TPTE2: variants seen among roughly 807,000 people sequenced by gnomAD.
TPTE2 encodes transmembrane phosphoinositide 3-phosphatase and tensin homolog 2.
Under a neutral mutation model 78.6 loss-of-function variants are expected in TPTE2, and 53 were observed. The ratio of observed to expected loss-of-function variants is 0.67; its 90% CI spans 0.54 to 0.85. The LOEUF (loss-of-function observed/expected upper bound fraction) is 0.85. Ranked by LOEUF, TPTE2 falls within the 40% of genes least tolerant of loss-of-function variation. The pLI is 0.00. For missense variants in TPTE2, 461 were observed against 623.0 expected (o/e 0.74, Z 2.77); for synonymous variants, 175 against 206.2 (o/e 0.85, Z 1.30).
At chr13:19,426,553 C>T in intron 17 of TPTE2, 36 bp from the exon 21 acceptor site, 1 of 1,281,298 alleles carries the variant, frequency 7.8e-7, no homozygotes, top group Non-Finnish European at 1.1e-6. Context: ...AACTACAAAC[C>T]TAGATAACGA....
exon 20 of TPTE2, chr13:19,423,142 A>G (rs774104862): frequency 1.9e-6 from 3 of 1,609,610 alleles, no homozygotes; most frequent in Non-Finnish European, 2.5e-6. Context: ...GGATTATCCA[A>G]TTCATTTCTT....
chr13:19,473,998 T>C, exon 6 of TPTE2: 1 of 1,609,832 alleles, frequency 6.2e-7, no homozygotes, highest in Non-Finnish European at 8.5e-7. Flanking sequence ...CAAAGGAATA[T>C]AAAGTTTGCT....
intron 4 of TPTE2, among the ~76,000 whole-genome samples, chr13:19,482,088 CT>C (rs1269196287): frequency 6.6e-6 from 1 of 152,028 alleles, no homozygotes; most frequent in Non-Finnish European, 1.5e-5. Flanking sequence ...AACATGTTTG[CT>C]TTTGCTATCA....
chr13:19,487,605 C>T (rs1303873302), intron 3 of TPTE2, among the ~76,000 whole-genome samples: 11 of 152,082 alleles, frequency 7.2e-5, no homozygotes, highest in African/African-American at 2.4e-4. Context: ...GTTGATTTCC[C>T]TGCTCTGCAT....
At chr13:19,425,611 C>T (rs1225995549) in intron 18 of TPTE2, 5 of 397,358 alleles carry the variant, frequency 1.3e-5, no homozygotes, top group African/African-American at 4.1e-5. Flanking sequence ...GTGGATATAT[C>T]AGTGACCACC....
At position 19,514,638 on chromosome 13, in the gene TPTE2, T is replaced by TGTGTGTGA. The variant is rs1371154490; in HGVS notation, c.-43-11362_-43-11361insTCACACAC. Among the ~76,000 whole-genome samples the TGTGTGTGA allele has an allele frequency of 3.3e-5, 5 of 149,372 alleles. No homozygotes were observed. The East Asian group carries it at 9.8e-4, about 29-fold the overall frequency. The stretch of plus-strand genomic sequence containing the variant: ...GTGTGTGTGTGTGTGTGTCTGTGTG[T>TGTGTGTGA]GAGAGAGAGAGAGAAAGGACACAGA... On this transcript the variant is annotated intron_variant, in intron 1 of 17. Coordinates refer to the TPTE2 transcript ENST00000390680.
intron 7 of TPTE2, among the ~76,000 whole-genome samples, chr13:19,466,848 A>G (rs1879296598): frequency 6.6e-6 from 1 of 152,260 alleles, no homozygotes. Flanking sequence ...TTTTTGATAT[A>G]GCAGATATTA....
At chr13:19,541,682 CT>C (rs938948070), upstream of TPTE2, among the ~76,000 whole-genome samples, 7 of 152,200 alleles carry the variant, frequency 4.6e-5, no homozygotes, top group African/African-American at 7.2e-5. Flanking sequence ...GTTTACCAAA[CT>C]TTTTTTTCTG....
intron 1 of TPTE2, among the ~76,000 whole-genome samples, chr13:19,513,606 C>A (rs991342404): frequency 6.6e-6 from 1 of 152,096 alleles, no homozygotes; most frequent in African/African-American, 2.4e-5. Context: ...GCTATGATTG[C>A]GCTACAAATT....
intron 6 of TPTE2, among the ~76,000 whole-genome samples, chr13:19,469,912 T>A (rs1879501309): frequency 6.6e-6 from 1 of 152,220 alleles, no homozygotes; most frequent in African/African-American, 2.4e-5. Context: ...GTTCTAATAG[T>A]TTTCTTTGTG....
chr13:19,498,103 A>C (rs1359313003), intron 1 of TPTE2, among the ~76,000 whole-genome samples: 3 of 151,884 alleles, frequency 2.0e-5, no homozygotes, highest in Non-Finnish European at 2.9e-5. Context: ...TTAGAGAAAA[A>C]AGAATAAAAA....
intron 13 of TPTE2, among the ~76,000 whole-genome samples, chr13:19,441,243 A>G (rs1457031019): frequency 6.6e-6 from 1 of 152,086 alleles, no homozygotes; most frequent in East Asian, 1.9e-4. Flanking sequence ...CAAGGTGGCA[A>G]TAATGGACCC....
intron 1 of TPTE2, among the ~76,000 whole-genome samples, chr13:19,512,020 T>C (rs185376459): frequency 1.8e-4 from 27 of 152,340 alleles, no homozygotes; most frequent in African/African-American, 6.5e-4. Context: ...AAAGTGGATA[T>C]TAATTAGAAA....
In TPTE2 at chr13:19,437,058, C is replaced by CACACAA. The variant is rs1555247902; in HGVS notation, c.1036-753_1036-752insTTGTGT. ...TAGGAGACACACACACACACACACA[C>CACACAA]ACACACATACACCAATATTTAAACC... On this transcript the variant is annotated intron_variant, in intron 14 of 19. Transcript: ENST00000400230. Among the ~76,000 whole-genome samples the CACACAA allele has an allele frequency of 5.7e-4, 87 of 151,790 alleles. 1 individual carries two copies. The highest frequency in any genetic ancestry group is 1.9e-3 in the African/African-American group (77 of 41,428).
chr13:19,505,492 A>T (rs562688918), upstream of TPTE2, among the ~76,000 whole-genome samples: 192 of 152,144 alleles, frequency 1.3e-3, 2 homozygotes, highest in African/African-American at 4.4e-3. Context: ...CATGCCTCTT[A>T]CCCCATCTAA....
At chr13:19,518,158 T>A (rs1869921676) in intron 1 of TPTE2, among the ~76,000 whole-genome samples, 1 of 152,186 alleles carries the variant, frequency 6.6e-6, no homozygotes, top group South Asian at 2.1e-4. Context: ...AAGCTATCAT[T>A]TTATAGGATT....
chr13:19,554,652 A>T, the TPTE2 span, among the ~76,000 whole-genome samples: 1 of 152,214 alleles, frequency 6.6e-6, no homozygotes, highest in East Asian at 1.9e-4. Context: ...GGTTAGAGGC[A>T]TAGATTGCAT....
intron 3 of TPTE2, among the ~76,000 whole-genome samples, chr13:19,484,739 T>C (rs547177549): frequency 2.0e-5 from 3 of 152,318 alleles, no homozygotes; most frequent in Non-Finnish European, 2.9e-5. Context: ...AATAATCTTG[T>C]TTGTCCATTT....
intron 5 of TPTE2, among the ~76,000 whole-genome samples, chr13:19,474,922 A>G (rs1879840411): frequency 6.6e-6 from 1 of 152,228 alleles, no homozygotes; most frequent in Admixed American, 6.5e-5. Context: ...TTAATAAAAC[A>G]CTTTACTAAT....
Sources: allele counts gnomAD v4.1 joint callset (sites outside exome capture counted in the v4.1 genomes callset), GRCh38; gene constraint gnomAD v4.1.1; transcripts MANE v1.5; gene names NCBI Gene and HGNC (gene_info 2026-07-23, HGNC 2026-07-21).